FYN: variants seen among roughly 807,000 people sequenced by gnomAD.
FYN encodes FYN proto-oncogene, Src family tyrosine kinase, also known as tyrosine-protein kinase Fyn.
Under a neutral mutation model 70.2 loss-of-function variants are expected in FYN, and 10 were observed. The ratio of observed to expected loss-of-function variants is 0.14; its 90% CI spans 0.09 to 0.24. The LOEUF (loss-of-function observed/expected upper bound fraction) is 0.24, where lower values mean the gene tolerates loss of function less well. Ranked by LOEUF, FYN falls within the 10% of genes least tolerant of loss-of-function variation. The pLI is 1.00. For missense variants in FYN, 319 were observed against 673.1 expected, an observed-to-expected ratio of 0.47 and a Z score of 5.82; for synonymous variants, 236 against 248.6, an observed-to-expected ratio of 0.95 and a Z score of 0.48.
intron 2 of FYN, among the ~76,000 whole-genome samples, chr6:111,843,338 C>CTTG (rs1562542022): frequency 5.9e-5 from 9 of 152,154 alleles, no homozygotes; most frequent in African/African-American, 2.2e-4. Context: ...ACAAAAAGCA[C>CTTG]ATTTTTGTTC....
At chr6:111,692,725 T>TCA (rs1214909957) in intron 12 of FYN, among the ~76,000 whole-genome samples, 1 of 152,200 alleles carries the variant, frequency 6.6e-6, no homozygotes, top group Non-Finnish European at 1.5e-5. Flanking sequence ...TATTCATGTC[T>TCA]CACAACCTTT....
At chr6:111,729,838 G>A (rs1292694945) in intron 3 of FYN, among the ~76,000 whole-genome samples, 1 of 152,088 alleles carries the variant, frequency 6.6e-6, no homozygotes, top group African/African-American at 2.4e-5. Flanking sequence ...ATAACACTAT[G>A]GGCAACTGTT....
chr6:111,858,596 C>T (rs1338611461), intron 1 of FYN, among the ~76,000 whole-genome samples: 2 of 152,100 alleles, frequency 1.3e-5, no homozygotes. Flanking sequence ...ACTCTGTTCT[C>T]TGAAACAGGC....
intron 3 of FYN, among the ~76,000 whole-genome samples, chr6:111,775,860 G>A (rs1770915671): frequency 1.3e-5 from 2 of 152,168 alleles, no homozygotes; most frequent in Non-Finnish European, 2.9e-5. Flanking sequence ...CCTCTCCAGA[G>A]GGCTCTCTGG....
chr6:111,766,222 C>T (rs1803223162), intron 3 of FYN, among the ~76,000 whole-genome samples: 1 of 152,158 alleles, frequency 6.6e-6, no homozygotes, highest in Non-Finnish European at 1.5e-5. Flanking sequence ...TGGTCACTTG[C>T]CCAAGACCCC....
In FYN at chr6:111,777,155, T is replaced by A. The variant is rs75636653; in HGVS notation, c.-12+3411A>T. ...CTGGGATCATGTTGTGTGAGTCTTG[T>A]TTTTATCTTTAGTTGACCGTCATTC... On this transcript the variant is annotated intron_variant, in intron 3 of 13. Transcript: ENST00000354650. Among the ~76,000 whole-genome samples, 269 of 152,306 alleles carry A rather than the reference T, an allele frequency of 1.8e-3. 2 individuals are homozygous for A. Among genetic ancestry groups the A allele is most frequent in the African/African-American group, 6.3e-3 (261 of 41,578 alleles).
At chr6:111,858,577 C>T (rs905129093) in intron 1 of FYN, among the ~76,000 whole-genome samples, 1 of 152,092 alleles carries the variant, frequency 6.6e-6, no homozygotes, top group East Asian at 1.9e-4. Flanking sequence ...TAAATGAAGG[C>T]TTGGGCTAAC....
At chr6:111,802,710 T>C (rs1050512300) in intron 2 of FYN, among the ~76,000 whole-genome samples, 3 of 151,830 alleles carry the variant, frequency 2.0e-5, no homozygotes, top group African/African-American at 7.3e-5. Context: ...ATTACAGGCA[T>C]GAGCCACCGT....
chr6:111,829,515 T>A lies in FYN; in HGVS notation c.-82+17074A>T, dbSNP rs570548808. 6.6e-5 allele frequency among the ~76,000 whole-genome samples: 10 copies of A among 152,214 alleles called. No homozygotes were observed. The South Asian group carries it at 2.1e-3, about 32-fold the overall frequency. On this transcript the variant is annotated intron_variant, in intron 2 of 13. Coordinates refer to ENST00000354650, the MANE Select transcript of FYN (RefSeq NM_002037.5). The stretch of plus-strand genomic sequence containing the variant: ...AGGTCTCTCACATCAGGAGCTCAGA[T>A]TGTTAAGCACAGAACAGACACCAAT...
chr6:111,730,270 G>A (rs1284670493), intron 3 of FYN, among the ~76,000 whole-genome samples: 1 of 152,222 alleles, frequency 6.6e-6, no homozygotes, highest in Non-Finnish European at 1.5e-5. Flanking sequence ...GCCACATGCA[G>A]AGGATCCTGT....
chr6:111,795,035 G>A (rs965176551), intron 2 of FYN, among the ~76,000 whole-genome samples: 2 of 152,142 alleles, frequency 1.3e-5, no homozygotes, highest in Non-Finnish European at 2.9e-5. Flanking sequence ...TCAATTCAAT[G>A]GGTCACAAAA....
At chr6:111,768,634 T>A (rs1326916287) in intron 3 of FYN, among the ~76,000 whole-genome samples, 1 of 152,250 alleles carries the variant, frequency 6.6e-6, no homozygotes, top group African/African-American at 2.4e-5. Context: ...CAGGTAATTC[T>A]GGTAAAAACC....
intron 5 of FYN, among the ~76,000 whole-genome samples, chr6:111,708,532 T>C (rs993740180): frequency 6.6e-6 from 1 of 152,160 alleles, no homozygotes; most frequent in African/African-American, 2.4e-5. Context: ...GGAGGTCTGA[T>C]GAGGGATGAA....
intron 2 of FYN, among the ~76,000 whole-genome samples, chr6:111,844,080 T>G (rs1329821861): frequency 6.6e-6 from 1 of 152,244 alleles, no homozygotes; most frequent in African/African-American, 2.4e-5. Context: ...TTACTATAAC[T>G]ACAGCACCTT....
At chr6:111,768,491 C>G (rs1803318035) in intron 3 of FYN, among the ~76,000 whole-genome samples, 1 of 152,162 alleles carries the variant, frequency 6.6e-6, no homozygotes, top group African/African-American at 2.4e-5. Flanking sequence ...AAAATTCTCC[C>G]TAAGTATTGA....
At chr6:111,796,185 G>C (rs1282135550) in intron 2 of FYN, among the ~76,000 whole-genome samples, 1 of 152,132 alleles carries the variant, frequency 6.6e-6, no homozygotes, top group African/African-American at 2.4e-5. Context: ...TAGAGCTCTT[G>C]CCCACCACAA....
chr6:111,696,169 T>C, intron 10 of FYN, 108 bp downstream of exon 10: 3 of 983,134 alleles, frequency 3.1e-6, no homozygotes, highest in South Asian at 2.4e-5. Context: ...TGGGAATACT[T>C]GACCCAGGCA....
chr6:111,763,044 C>G (rs1181829270), intron 3 of FYN, among the ~76,000 whole-genome samples: 1 of 152,200 alleles, frequency 6.6e-6, no homozygotes, highest in East Asian at 1.9e-4. Context: ...CCACTTACCT[C>G]AACTGATTTC....
intron 1 of FYN, among the ~76,000 whole-genome samples, chr6:111,863,763 T>G (rs1774028540): frequency 6.6e-6 from 1 of 152,230 alleles, no homozygotes; most frequent in South Asian, 2.1e-4. Context: ...CACAGGTACT[T>G]AGAAACCTTT....
Sources: gnomAD v4.1 joint callset for allele counts (sites outside exome capture counted in the v4.1 genomes callset) on GRCh38, gnomAD v4.1.1 for gene constraint, MANE v1.5 for transcripts, NCBI Gene and HGNC (gene_info 2026-07-23, HGNC 2026-07-21) for gene names.